ATP1A3: variants seen among roughly 807,000 people sequenced by gnomAD.
ATP1A3 encodes the protein sodium/potassium-transporting ATPase subunit alpha-3.
ATP1A3 carries 12 observed loss-of-function variants against 108.8 expected under a neutral mutation model. The ratio of observed to expected loss-of-function variants is 0.11; its 90% CI spans 0.07 to 0.18. The LOEUF is 0.18. Among genes scored for constraint, ATP1A3 ranks in the 10% least tolerant of loss-of-function variants. ATP1A3 has a pLI of 1.00. For synonymous variants in ATP1A3, 539 were observed against 564.5 expected, an observed-to-expected ratio of 0.95 and a Z score of 0.64; for missense variants, 498 against 1,387.7, an observed-to-expected ratio of 0.36 and a Z score of 10.19.
In ATP1A3 at chr19:41,978,914, C is replaced by G. The variant is rs976401564; in HGVS notation, c.1438-116G>C. ...GCCAGGATAGGCCCACACCAGGGCT[C>G]CCCCACACTCTCTCACAGAGACCTC... is the stretch of plus-strand genomic sequence containing the variant. On this transcript the variant is annotated intron_variant, in intron 11 of 22. Coordinates refer to ENST00000648268, the MANE Select transcript of ATP1A3 (RefSeq NM_152296.5). This position sits in a 1 kb window ranked among gnomAD's most constrained non-coding sequence, Gnocchi z 8.3. 1 of 901,470 alleles carries G rather than the reference C, an allele frequency of 1.1e-6. No homozygotes were observed. Among genetic ancestry groups the G allele is most frequent in the African/African-American group, 1.7e-5 (1 of 60,522 alleles). The allele number at this position is 901,470 out of a possible 1,614,324, so 55.8% of individuals were successfully genotyped here.
rs1339184598 is a variant in ATP1A3, at chr19:41,968,440, C to T, written c.2819+345G>A. Among the ~76,000 whole-genome samples, 2 of 152,068 alleles carry T rather than the reference C, an allele frequency of 1.3e-5. No homozygotes were observed. The highest frequency in any genetic ancestry group is 4.8e-5 in the African/African-American group (2 of 41,410). ...ATGAGAATCGCTTGAACCCGGGAGGCGGAGGTTGCAGTGAGCCAAGATTGT... is the reference window on the plus strand; with the variant it reads ...ATGAGAATCGCTTGAACCCGGGAGGTGGAGGTTGCAGTGAGCCAAGATTGT... On this transcript the variant is annotated intron_variant, in intron 20 of 22. Transcript: ENST00000648268. The surrounding 1 kb of genome is among the most constrained non-coding windows in gnomAD (Gnocchi z 5.0).
chr19:41,985,846 C>T lies in ATP1A3; in HGVS notation c.606+18G>A. The T allele has an allele frequency of 1.2e-6, 2 of 1,613,412 alleles. No individual in the cohort carries two copies. The highest frequency in any genetic ancestry group is 1.7e-6 in the Non-Finnish European group (2 of 1,179,930). ...CAGCCCGAGGGAGGGTAAAGCCGGG[C>T]CCTAGGCCCAGGCCCACCTTGCAGC... On this transcript the variant is annotated intron_variant, in intron 6 of 22. Transcript: ENST00000648268. The surrounding 1 kb of genome is among the most constrained non-coding windows in gnomAD (Gnocchi z 8.2).
intron 11 of ATP1A3, among the ~76,000 whole-genome samples, chr19:41,979,127 G>A (rs782732833): frequency 6.0e-5 from 9 of 150,822 alleles, no homozygotes; most frequent in Admixed American, 3.3e-4. Flanking sequence ...CTCAGCCTCC[G>A]GAGTAGCTTG....
rs1555858754 is a variant in ATP1A3, at chr19:41,967,016, A to T, written c.3014-51T>A. 1.3e-6 allele frequency: 2 copies of T among 1,551,628 alleles called. No homozygotes were observed. Among genetic ancestry groups the T allele is most frequent in the African/African-American group, 2.7e-5 (2 of 73,126 alleles). On this transcript the variant is annotated intron_variant, in intron 22 of 22. Transcript: ENST00000648268. This position sits in a 1 kb window ranked among gnomAD's most constrained non-coding sequence, Gnocchi z 4.2. ...GAGACAGAGTAAGAGATGGAGAGAG[A>T]CAGGCAAGGCGAGCCGCCCAGCAGA...
At chr19:41,986,739 ATT>A (rs11287033) in intron 4 of ATP1A3, 5,022 of 96,704 alleles carry the variant, frequency 0.052, 62 homozygotes, top group Middle Eastern at 0.09. Flanking sequence ...CTTTCCTGGC[ATT>A]TTTTTTTTTT....
In ATP1A3 at chr19:41,987,960, G is replaced by A. The variant is rs782779392; in HGVS notation, c.333C>T (p.Thr111=). Residue 111 remains threonine, a synonymous_variant, in exon 4 of 23, where the codon ACC becomes ACT. Transcript: ENST00000648268. ...CGTTGTCACCAGAGGGGTCGTCCTC[G>A]GTGCCCGCCTGGATACCGTAGGCCA... is the stretch of plus-strand genomic sequence containing the variant. The part of the protein sequence containing the change: ...CFLAYGIQAG[T]EDDPSGDNLY... The A allele has an allele frequency of 1.2e-5, 19 of 1,613,858 alleles. No homozygotes were observed. The highest frequency in any genetic ancestry group is 8.8e-5 in the South Asian group (8 of 91,086).
At chr19:41,972,861 A>AGAAG (rs1460538185) in intron 16 of ATP1A3, among the ~76,000 whole-genome samples, 1 of 51,090 alleles carries the variant, frequency 2.0e-5, no homozygotes, top group Admixed American at 1.9e-4. Context: ...AAGGAAGGAA[A>AGAAG]GAAGGAAGGA....
In ATP1A3 at chr19:41,981,087, C is replaced by T. The variant is rs947724560; in HGVS notation, c.1437+415G>A. On this transcript the variant is annotated intron_variant, in intron 11 of 22. Coordinates refer to ENST00000648268, the MANE Select transcript of ATP1A3 (RefSeq NM_152296.5). The surrounding 1 kb of genome is among the most constrained non-coding windows in gnomAD (Gnocchi z 5.0). ...TGTAGGCTCTCTGCAGCCCCAACCT[C>T]CCCGGCTCAGGCAATCCTCCTGCCT... is the stretch of plus-strand genomic sequence containing the variant. Among the ~76,000 whole-genome samples the T allele has an allele frequency of 6.6e-6, 1 of 151,148 alleles. No individual in the cohort carries two copies. The highest frequency in any genetic ancestry group is 1.5e-5 in the Non-Finnish European group (1 of 67,850).
chr19:41,976,318 C>G, intron 15 of ATP1A3, 98 bp downstream of exon 15: 1 of 1,532,952 alleles, frequency 6.5e-7, no homozygotes, highest in Non-Finnish European at 8.9e-7. Flanking sequence ...TCCAGACCCC[C>G]AGCCCCTCCT....
At chr19:41,980,221 G>GT (rs1555862841) in intron 11 of ATP1A3, among the ~76,000 whole-genome samples, 2 of 152,210 alleles carry the variant, frequency 1.3e-5, no homozygotes, top group Non-Finnish European at 2.9e-5. Flanking sequence ...GAACCAGAGC[G>GT]TAAGTCTCAG....
chr19:41,993,487 A>G, intron 1 of ATP1A3: 1 of 1,502,706 alleles, frequency 6.7e-7, no homozygotes, highest in Non-Finnish European at 8.9e-7. Flanking sequence ...CCAGGCTGCG[A>G]CACTGCGGAG....
intron 1 of ATP1A3, among the ~76,000 whole-genome samples, chr19:41,989,443 C>G (rs1377017418): frequency 1.3e-5 from 2 of 150,102 alleles, no homozygotes; most frequent in Non-Finnish European, 3.0e-5. Flanking sequence ...CTCAGCCTCC[C>G]GAGTAGCTGG....
rs1555866213 is a variant in ATP1A3 at position 41,988,366 on chromosome 19, C to T, written c.105G>A (p.Lys35=). Residue 35 remains lysine (K), a synonymous_variant, in exon 3 of 23, where the codon AAG becomes AAA. Coordinates refer to ENST00000648268, the MANE Select transcript of ATP1A3 (RefSeq NM_152296.5). This position sits in a 1 kb window ranked among gnomAD's most constrained non-coding sequence, Gnocchi z 5.3. ...LKKEVAMTEH[K]MSVEEVCRKY... ...TCCGGCAGACCTCTTCCACTGACAT[C>T]TTGTGCTCTGTCTGAGGAACAGGAG... 1 of 1,614,204 alleles carries T rather than the reference C, an allele frequency of 6.2e-7. No individual in the cohort carries two copies. Among genetic ancestry groups the T allele is most frequent in the Non-Finnish European group, 8.5e-7 (1 of 1,180,044 alleles).
At chr19:41,979,323 T>G (rs1471599492) in intron 11 of ATP1A3, among the ~76,000 whole-genome samples, 1 of 151,004 alleles carries the variant, frequency 6.6e-6, no homozygotes, top group Non-Finnish European at 1.5e-5. Flanking sequence ...CCACCCTGTT[T>G]TTTTTTTTTA....
Position 41,981,867 on chromosome 19 carries a change from G to C in ATP1A3, c.1193-36C>G, listed in dbSNP as rs189920724. The C allele has an allele frequency of 6.2e-7, 1 of 1,614,224 alleles. No individual in the cohort carries two copies. The highest frequency in any genetic ancestry group is 8.5e-7 in the Non-Finnish European group (1 of 1,180,038). On this transcript the variant is annotated intron_variant, in intron 9 of 22. Transcript: ENST00000648268. The surrounding 1 kb of genome is among the most constrained non-coding windows in gnomAD (Gnocchi z 5.0). ...CATGTGTGAGGGCCAGGGACTCCTG[G>C]AGCCAGGCCCCCATGGTCCTCACCC... is the stretch of plus-strand genomic sequence containing the variant.
intron 16 of ATP1A3, among the ~76,000 whole-genome samples, chr19:41,972,871 A>AAGGAAGGAAGGAAGGAAAGAAGGAAGGC (rs1568856448): frequency 7.5e-6 from 1 of 133,310 alleles, no homozygotes; most frequent in Non-Finnish European, 1.6e-5. Context: ...AGAAGGAAGG[A>AAGGAAGGAAGGAAGGAAAGAAGGAAGGC]AGGCAGGCAG....
Position 41,967,113 on chromosome 19 carries a change from C to T in ATP1A3, c.3013+136G>A, listed in dbSNP as rs782585562. On this transcript the variant is annotated intron_variant, in intron 22 of 22. Coordinates refer to ENST00000648268, the MANE Select transcript of ATP1A3 (RefSeq NM_152296.5). The surrounding 1 kb of genome is among the most constrained non-coding windows in gnomAD (Gnocchi z 4.2). ...ACCCGTGAGAAGACAGAGTGGGTGC[C>T]CGGAGAGATGGGAAGAGAGAGAAGA... 1.0e-4 allele frequency: 157 copies of T among 1,554,900 alleles called. No individual in the cohort carries two copies. Among genetic ancestry groups the T allele is most frequent in the Middle Eastern group, 1.7e-4 (1 of 6,014 alleles).
Position 41,967,882 on chromosome 19 carries a change from CAG to C in ATP1A3, c.2820-121_2820-120del. On this transcript the variant is annotated intron_variant, in intron 20 of 22. Transcript: ENST00000648268. The surrounding 1 kb of genome is among the most constrained non-coding windows in gnomAD (Gnocchi z 4.2). ...AGAGACAGCAGCACAGACACAGAGACAGAGAGGCAGAGACATAGGGAGAGACA... is the reference window on the plus strand; with the variant it reads ...AGAGACAGCAGCACAGACACAGAGACAGAGGCAGAGACATAGGGAGAGACA... 1.2e-6 allele frequency: 1 copy of C among 820,220 alleles called. No individual in the cohort carries two copies. Among genetic ancestry groups the C allele is most frequent in the Non-Finnish European group, 2.1e-6 (1 of 480,856 alleles). 50.8% of individuals were successfully genotyped at this position (820,220 alleles called of 1,614,324 possible).
intron 1 of ATP1A3, among the ~76,000 whole-genome samples, chr19:41,992,615 C>A (rs2075351093): frequency 6.6e-6 from 1 of 152,006 alleles, no homozygotes; most frequent in Non-Finnish European, 1.5e-5. Flanking sequence ...AATATCTGTC[C>A]TTGTGTCTCT....
Sources: gnomAD v4.1 joint callset for allele counts (sites outside exome capture counted in the v4.1 genomes callset) on GRCh38, gnomAD v4.1.1 for gene constraint, Gnocchi (gnomAD v3.1) non-coding constraint, MANE v1.5 for transcripts, NCBI Gene and HGNC (gene_info 2026-07-23, HGNC 2026-07-21) for gene names.